The following PIP4P2 variants were observed in gnomAD, a reference collection of about 807,000 sequenced individuals.
The protein encoded by PIP4P2 is phosphatidylinositol-4,5-bisphosphate 4-phosphatase 2.
Under a neutral mutation model 33.3 loss-of-function variants are expected in PIP4P2, and 19 were observed. That is an observed-to-expected ratio of 0.57 (90% CI 0.40 to 0.84). PIP4P2 has a LOEUF of 0.84. Ranked by LOEUF, PIP4P2 falls within the 40% of genes least tolerant of loss-of-function variation. The pLI, the probability that PIP4P2 is intolerant of heterozygous loss-of-function variation, is 0.00. For synonymous variants in PIP4P2, 110 were observed against 111.9 expected (o/e 0.98, Z 0.11); for missense variants, 270 against 324.7 (o/e 0.83, Z 1.29).
chr8:91,019,765 T>C (rs1811978406), intron 3 of PIP4P2, among the ~76,000 whole-genome samples: 1 of 152,070 alleles, frequency 6.6e-6, no homozygotes, highest in Non-Finnish European at 1.5e-5. Context: ...GGGGTCTCAC[T>C]ATGTTGCTCA....
At chr8:91,037,030 G>A (rs748273863) in intron 1 of PIP4P2, among the ~76,000 whole-genome samples, 7 of 152,158 alleles carry the variant, frequency 4.6e-5, no homozygotes, top group Non-Finnish European at 8.8e-5. Context: ...TTTCCCCAGA[G>A]TGTACTTTAC....
chr8:91,037,041 A>G (rs1237513758), intron 1 of PIP4P2, among the ~76,000 whole-genome samples: 1 of 152,214 alleles, frequency 6.6e-6, no homozygotes, highest in Non-Finnish European at 1.5e-5. Flanking sequence ...TGTACTTTAC[A>G]AAAGACCAAG....
intron 5 of PIP4P2, among the ~76,000 whole-genome samples, chr8:91,001,696 T>A (rs982229378): frequency 2.6e-4 from 39 of 152,108 alleles, no homozygotes; most frequent in Non-Finnish European, 5.3e-4. Context: ...TAATTATAAA[T>A]CTGAAGTTTT....
chr8:91,017,257 G>A (rs1811930256), intron 4 of PIP4P2, among the ~76,000 whole-genome samples: 1 of 152,136 alleles, frequency 6.6e-6, no homozygotes, highest in Non-Finnish European at 1.5e-5. Flanking sequence ...AAATTAGCCA[G>A]GTGTGGTGGT....
chr8:91,029,712 T>C (rs1331250010), intron 1 of PIP4P2, among the ~76,000 whole-genome samples: 1 of 152,120 alleles, frequency 6.6e-6, no homozygotes, highest in South Asian at 2.1e-4. Context: ...TATTAAGATA[T>C]GTAGTGCAAA....
At chr8:91,039,460 T>C (rs1812276845) in intron 1 of PIP4P2, among the ~76,000 whole-genome samples, 1 of 152,236 alleles carries the variant, frequency 6.6e-6, no homozygotes, top group African/African-American at 2.4e-5. Flanking sequence ...TATTTTGAAG[T>C]TACAAAATGT....
chr8:91,029,980 C>A (rs1425631692), intron 1 of PIP4P2, among the ~76,000 whole-genome samples: 1 of 150,622 alleles, frequency 6.6e-6, no homozygotes, highest in African/African-American at 2.4e-5. Context: ...AAAACAAAAA[C>A]AAAAACAAAA....
chr8:91,019,472 G>A (rs972829448), intron 3 of PIP4P2, among the ~76,000 whole-genome samples: 2 of 149,464 alleles, frequency 1.3e-5, no homozygotes, highest in Non-Finnish European at 3.0e-5. Context: ...CAGCTACTCA[G>A]GAGGAGGCTA....
chr8:90,997,761 C>T (rs1249980789), intron 5 of PIP4P2, among the ~76,000 whole-genome samples: 1 of 152,038 alleles, frequency 6.6e-6, no homozygotes, highest in Non-Finnish European at 1.5e-5. Flanking sequence ...ATGCCTAACA[C>T]ATAATAACCT....
At chr8:91,011,422 C>T (rs948514885) in intron 4 of PIP4P2, among the ~76,000 whole-genome samples, 6 of 151,998 alleles carry the variant, frequency 3.9e-5, no homozygotes, top group Admixed American at 2.6e-4. Context: ...TAAGTCAATT[C>T]ATTCTTCTGG....
chr8:91,026,539 G>A (rs966843469), intron 1 of PIP4P2, among the ~76,000 whole-genome samples: 3 of 151,842 alleles, frequency 2.0e-5, no homozygotes, highest in African/African-American at 4.8e-5. Flanking sequence ...CTTTTTTCCC[G>A]TAGCCCTAGT....
chr8:91,035,534 G>T lies in PIP4P2; in HGVS notation c.106+5110C>A, dbSNP rs143586923. ...TGACTCTGTGATATTATCATCTCCT[G>T]GTTTTTGTCACCTTGCCGGCAGCTA... On this transcript the variant is annotated intron_variant, in intron 1 of 6. Transcript: ENST00000285419. Among the ~76,000 whole-genome samples, 29 of 152,210 alleles carry T rather than the reference G, an allele frequency of 1.9e-4. No individual in the cohort carries two copies. The East Asian group carries it at 4.2e-3, about 22-fold the overall frequency.
chr8:91,011,322 T>G (rs1444807935), intron 4 of PIP4P2, among the ~76,000 whole-genome samples: 1 of 152,024 alleles, frequency 6.6e-6, no homozygotes, highest in East Asian at 1.9e-4. Context: ...ACAGAGACCA[T>G]GGGCCCTACA....
At chr8:91,006,811 A>C (rs946191160) in intron 5 of PIP4P2, among the ~76,000 whole-genome samples, 1 of 152,282 alleles carries the variant, frequency 6.6e-6, no homozygotes, top group South Asian at 2.1e-4. Context: ...TCTACTAAAA[A>C]TACAAAAATT....
intron 1 of PIP4P2, among the ~76,000 whole-genome samples, chr8:91,029,384 T>C (rs1355021900): frequency 1.3e-5 from 2 of 152,156 alleles, no homozygotes; most frequent in Non-Finnish European, 2.9e-5. Context: ...GTTACAGCCA[T>C]GGAGTTCTTC....
At chr8:91,020,504 A>C (rs1487517702) in intron 2 of PIP4P2, among the ~76,000 whole-genome samples, 3 of 152,210 alleles carry the variant, frequency 2.0e-5, no homozygotes, top group African/African-American at 7.2e-5. Context: ...AAGAGAAAAA[A>C]ATAAAACATC....
At chr8:91,033,342 T>A (rs959100963) in intron 1 of PIP4P2, among the ~76,000 whole-genome samples, 3 of 152,200 alleles carry the variant, frequency 2.0e-5, no homozygotes, top group African/African-American at 7.2e-5. Context: ...CTATCTCAGA[T>A]ATAACCTTGT....
chr8:90,997,608 T>C (rs1321498686), intron 5 of PIP4P2, among the ~76,000 whole-genome samples: 1 of 152,118 alleles, frequency 6.6e-6, no homozygotes, highest in Non-Finnish European at 1.5e-5. Flanking sequence ...ATATAAGTTA[T>C]AGCAGAGATT....
intron 2 of PIP4P2, 109 bp from the exon 3 acceptor site, chr8:91,020,372 T>G: frequency 1.0e-6 from 1 of 958,922 alleles, no homozygotes; most frequent in East Asian, 2.5e-5. Context: ...TGAAATATAT[T>G]GCTTTTGTAA....
Sources: allele counts gnomAD v4.1 joint callset (sites outside exome capture counted in the v4.1 genomes callset), GRCh38; gene constraint gnomAD v4.1.1; transcripts MANE v1.5; gene names NCBI Gene and HGNC (gene_info 2026-07-23, HGNC 2026-07-21).